Variants in EP400 observed in about 807,000 individuals in gnomAD.
The protein encoded by EP400 is E1A binding protein p400, also known as E1A-binding protein p400.
A neutral mutation model predicts 354.1 loss-of-function variants in EP400; 105 were observed. That is an observed-to-expected ratio of 0.30 (90% CI 0.25 to 0.35). The LOEUF (loss-of-function observed/expected upper bound fraction) is 0.35, where lower values mean the gene tolerates loss of function less well. Among genes scored for constraint, EP400 ranks in the 10% least tolerant of loss-of-function variants. EP400 has a pLI of 1.00. For missense variants in EP400, 3,280 were observed against 4,121.0 expected (o/e 0.80, Z 5.59); for synonymous variants, 1,646 against 1,716.9 (o/e 0.96, Z 1.02).
In EP400 at chr12:132,027,961, C is replaced by T; in HGVS notation, c.5110-56C>T. 1 of 1,580,642 alleles carries T rather than the reference C, an allele frequency of 6.3e-7. No homozygotes were observed. The highest frequency in any genetic ancestry group is 8.6e-7 in the Non-Finnish European group (1 of 1,158,892). ...GGGCTGGGTGGGGGGTTGGTGAAGA[C>T]AGGAACTTGTCATTCTGTTTCTCAA... is the stretch of plus-strand genomic sequence containing the variant. On this transcript the variant is annotated intron_variant, in intron 26 of 52. Transcript: ENST00000389561. This position sits in a 1 kb window ranked among gnomAD's most constrained non-coding sequence, Gnocchi z 4.9.
At chr12:131,953,736 C>G (rs1684480757) in intron 1 of EP400, among the ~76,000 whole-genome samples, 1 of 152,188 alleles carries the variant, frequency 6.6e-6, no homozygotes, top group African/African-American at 2.4e-5. Flanking sequence ...TGTTACGTGA[C>G]ATCTAGTGTT....
rs1892899174 is a variant in EP400 at position 131,987,718 on chromosome 12, A to G, written c.2237A>G (p.His746Arg). Reference protein sequence around the residue: ...TEQITLENQVHQRIAELRKAG... With the variant: ...TEQITLENQVRQRIAELRKAG... ...TATCATCTACAGGAGAACCAGGTGC[A>G]TCAGCGCATTGCGGAGCTGAGGAAA... Residue 746 changes from histidine to arginine, a missense_variant, in exon 7 of 53, where the codon CAT (histidine) becomes CGT (arginine). His to Arg is a conservative substitution (Grantham distance 29, BLOSUM62 0). Around this residue, in one of 20 missense-constraint regions of EP400, gnomAD observed 800 missense variants for 840.0 expected, o/e 0.95. Coordinates refer to ENST00000389561, the MANE Select transcript of EP400 (RefSeq NM_015409.5). 3.1e-6 allele frequency: 5 copies of G among 1,607,046 alleles called. No homozygotes were observed. Among genetic ancestry groups the G allele is most frequent in the Non-Finnish European group, 2.5e-6 (3 of 1,177,412 alleles).
intron 1 of EP400, among the ~76,000 whole-genome samples, chr12:131,955,312 C>T (rs1256312270): frequency 1.3e-5 from 2 of 151,650 alleles, no homozygotes; most frequent in African/African-American, 4.9e-5. Context: ...GACGGAGTTT[C>T]GCTCTTGTTG....
At chr12:132,064,540 G>A (rs1400958138) in intron 47 of EP400, 128 bp from the exon 48 acceptor site, 3 of 1,280,470 alleles carry the variant, frequency 2.3e-6, no homozygotes, top group South Asian at 1.5e-5. Flanking sequence ...CGGTCTGGAT[G>A]CTGCACGGTA....
chr12:131,959,790 G>T (rs1414250095), intron 1 of EP400, among the ~76,000 whole-genome samples: 1 of 152,204 alleles, frequency 6.6e-6, no homozygotes, highest in South Asian at 2.1e-4. Flanking sequence ...TCCAGGACTT[G>T]GTGTCATGTT....
At chr12:131,981,191 A>G (rs1360514651) in intron 3 of EP400, among the ~76,000 whole-genome samples, 1 of 152,056 alleles carries the variant, frequency 6.6e-6, no homozygotes, top group African/African-American at 2.4e-5. Flanking sequence ...GATGCTCCTC[A>G]TGTGTGCCTG....
Position 132,020,168 on chromosome 12 carries a change from T to C in EP400, c.4397T>C (p.Leu1466Pro). The C allele has an allele frequency of 6.2e-7, 1 of 1,610,674 alleles. No homozygotes were observed. Among genetic ancestry groups the C allele is most frequent in the Non-Finnish European group, 8.5e-7 (1 of 1,178,720 alleles). The part of the protein sequence containing the change: ...TTASAAPQGP[L>P]RGRPPIATFS... ...GCCTCTGCTGCTCCACAGGGCCCGCTTCGAGGACGGCCGCCCATCGCCACG... is the reference window on the plus strand; with the variant it reads ...GCCTCTGCTGCTCCACAGGGCCCGCCTCGAGGACGGCCGCCCATCGCCACG... The change falls in exon 22 of 53, where the codon CTT (leucine) becomes CCT (proline). Residue 1466 changes from leucine to proline, a missense_variant. By Grantham distance (98) the Leu-to-Pro change is moderately conservative (BLOSUM62 -3). This residue lies in a region of EP400 where 342 missense variants were observed against 342.7 expected (regional missense o/e 1.00). Coordinates refer to ENST00000389561, the MANE Select transcript of EP400 (RefSeq NM_015409.5).
intron 1 of EP400, 37 bp from the exon 2 acceptor site, chr12:131,960,548 T>C: frequency 1.3e-6 from 2 of 1,493,690 alleles, no homozygotes; most frequent in Middle Eastern, 1.8e-4. Flanking sequence ...CAGTTATGTG[T>C]GCCTTCAAGT....
At chr12:131,955,898 G>T (rs541682700) in intron 1 of EP400, among the ~76,000 whole-genome samples, 75 of 151,616 alleles carry the variant, frequency 4.9e-4, no homozygotes, top group Middle Eastern at 3.5e-3. Context: ...CGCCCGCCTC[G>T]GCCTCCCAAA....
rs1400304400 is a variant in EP400, at chr12:132,029,943, A to G, written c.5584+40A>G. ...GGGGCGTGGCCCGTGCGGGAGCTGC[A>G]CCGGCCCTGGATGATGAGGCGCTCT... On this transcript the variant is annotated intron_variant, in intron 28 of 52. Transcript: ENST00000389561. This position sits in a 1 kb window ranked among gnomAD's most constrained non-coding sequence, Gnocchi z 4.7. 6.2e-7 allele frequency: 1 copy of G among 1,612,052 alleles called. No individual in the cohort carries two copies. Among genetic ancestry groups the G allele is most frequent in the South Asian group, 1.1e-5 (1 of 91,064 alleles).
intron 50 of EP400, chr12:132,068,577 T>G (rs1360270623): frequency 6.6e-6 from 1 of 152,352 alleles, no homozygotes; most frequent in Non-Finnish European, 1.5e-5. Flanking sequence ...AGCAGAGCTG[T>G]CCTTTGGAAC....
chr12:132,038,349 C>T lies in EP400; in HGVS notation c.6207+253C>T, dbSNP rs1411056815. Among the ~76,000 whole-genome samples, 4 of 152,234 alleles carry T rather than the reference C, an allele frequency of 2.6e-5. No individual in the cohort carries two copies. The highest frequency in any genetic ancestry group is 9.6e-5 in the African/African-American group (4 of 41,466). On this transcript the variant is annotated intron_variant, in intron 32 of 52. Transcript: ENST00000389561. The surrounding 1 kb of genome is among the most constrained non-coding windows in gnomAD (Gnocchi z 4.2). ...TCACCGAAGCAGTCGCTGCCGTCTTCATCTGCACTTTGCCACAGTCTCAGC... is the reference window on the plus strand; with the variant it reads ...TCACCGAAGCAGTCGCTGCCGTCTTTATCTGCACTTTGCCACAGTCTCAGC...
intron 3 of EP400, among the ~76,000 whole-genome samples, chr12:131,980,202 C>T (rs925475553): frequency 4.6e-5 from 7 of 152,180 alleles, no homozygotes; most frequent in African/African-American, 1.7e-4. Flanking sequence ...TTGGTACCTG[C>T]CCACTCCCCA....
At chr12:131,966,072 T>A (rs1892068240) in intron 2 of EP400, among the ~76,000 whole-genome samples, 1 of 150,566 alleles carries the variant, frequency 6.6e-6, no homozygotes, top group Admixed American at 6.6e-5. Context: ...AGGAATCAGA[T>A]TTCTGGGTAT....
At chr12:132,065,262 C>T (rs751761148) in intron 48 of EP400, 23 of 263,322 alleles carry the variant, frequency 8.7e-5, no homozygotes, top group Non-Finnish European at 1.4e-4. Context: ...GGGCAGGTGG[C>T]GGTCTCTGAA....
At chr12:131,957,453 G>A (rs1891738504) in intron 1 of EP400, among the ~76,000 whole-genome samples, 1 of 147,234 alleles carries the variant, frequency 6.8e-6, no homozygotes, top group African/African-American at 2.5e-5. Context: ...TTTTGTGTTC[G>A]GTTTTTTAAT....
At position 131,986,520 on chromosome 12, in the gene EP400, G is replaced by A. The variant is rs138339000; in HGVS notation, c.1936G>A (p.Ala646Thr). The change falls in exon 6 of 53, where the codon GCA (alanine) becomes ACA (threonine). Residue 646 changes from alanine (A) to threonine (T), a missense_variant. Ala to Thr is a moderately conservative substitution (Grantham distance 58). Transcript: ENST00000389561. ...TTGTGCCCTGCCCTTACAGATGGTAGCATCGACAAGGCTCCCTGTGGACCC... is the reference window on the plus strand; with the variant it reads ...TTGTGCCCTGCCCTTACAGATGGTAACATCGACAAGGCTCCCTGTGGACCC... The part of the protein sequence containing the change: ...SQLSSLPQMV[A>T]STRLPVDPAP... 8 of 1,599,298 alleles carry A rather than the reference G, an allele frequency of 5.0e-6. No individual in the cohort carries two copies. In the African/African-American group the frequency reaches 5.4e-5, roughly 11 times the overall value.
intron 12 of EP400, among the ~76,000 whole-genome samples, chr12:131,997,509 G>A (rs1410591130): frequency 6.6e-6 from 1 of 152,032 alleles, no homozygotes; most frequent in Non-Finnish European, 1.5e-5. Flanking sequence ...TCCCATCTTG[G>A]CTTCACAAAG....
chr12:131,951,483 G>A (rs1478662084), intron 1 of EP400, among the ~76,000 whole-genome samples: 1 of 152,154 alleles, frequency 6.6e-6, no homozygotes, highest in Non-Finnish European at 1.5e-5. Context: ...GCCGGGACAC[G>A]TGGAAGTGTT....
Sources: allele counts gnomAD v4.1 joint callset (sites outside exome capture counted in the v4.1 genomes callset), GRCh38; gene constraint gnomAD v4.1.1; regional missense constraint gnomAD v4.1.1; non-coding constraint Gnocchi (gnomAD v3.1); transcripts MANE v1.5; gene names NCBI Gene and HGNC (gene_info 2026-07-23, HGNC 2026-07-21).